CD8B: variants seen among roughly 807,000 people sequenced by gnomAD.
CD8B encodes the protein T-cell surface glycoprotein CD8 beta chain.
Under a neutral mutation model 24.2 loss-of-function variants are expected in CD8B, and 6 were observed. The ratio of observed to expected loss-of-function variants is 0.25; its 90% confidence interval spans 0.14 to 0.49. The LOEUF is 0.49. CD8B is among the 20% of genes least tolerant of loss of function. CD8B has a pLI of 0.98. For missense variants in CD8B, 196 were observed against 271.3 expected (o/e 0.72, Z 1.95); for synonymous variants, 84 against 108.3 (o/e 0.78, Z 1.39).
At chr2:86,860,561 G>A (rs1055783818) in intron 1 of CD8B, among the ~76,000 whole-genome samples, 5 of 152,198 alleles carry the variant, frequency 3.3e-5, no homozygotes, top group Non-Finnish European at 7.3e-5. Context: ...TACCCATGAG[G>A]AAAGAGAGAC....
intron 1 of CD8B, among the ~76,000 whole-genome samples, chr2:86,858,859 C>T (rs2104585374): frequency 1.3e-5 from 2 of 151,992 alleles, no homozygotes; most frequent in South Asian, 4.2e-4. Flanking sequence ...TATCTTCCCA[C>T]CTCAGCCTCC....
At chr2:86,825,456 T>C (rs1674641225) in intron 5 of CD8B, among the ~76,000 whole-genome samples, 1 of 152,106 alleles carries the variant, frequency 6.6e-6, no homozygotes, top group African/African-American at 2.4e-5. Flanking sequence ...CTGACCCCAT[T>C]TGAATCCCCA....
chr2:86,825,026 G>A (rs1033401172), intron 5 of CD8B, among the ~76,000 whole-genome samples: 12 of 152,166 alleles, frequency 7.9e-5, no homozygotes, highest in African/African-American at 4.8e-5. Context: ...GATCTCTTGC[G>A]TGGGTTCCAA....
At chr2:86,855,983 A>T (rs1481521512) in intron 2 of CD8B, among the ~76,000 whole-genome samples, 3 of 152,186 alleles carry the variant, frequency 2.0e-5, no homozygotes, top group Admixed American at 2.0e-4. Context: ...AAAAGGAATA[A>T]AACTTCGAGC....
intron 5 of CD8B, among the ~76,000 whole-genome samples, chr2:86,844,303 A>T (rs1675568773): frequency 6.6e-6 from 1 of 151,590 alleles, no homozygotes; most frequent in Non-Finnish European, 1.5e-5. Flanking sequence ...GGTCGAGGGC[A>T]GCAGGTGGGA....
Position 86,846,735 on chromosome 2 carries a change from C to T in CD8B, c.532G>A (p.Ala178Thr), listed in dbSNP as rs1290326750. The T allele has an allele frequency of 8.8e-6, 14 of 1,585,210 alleles. No homozygotes were observed. Among genetic ancestry groups the T allele is most frequent in the Non-Finnish European group, 1.2e-5 (14 of 1,165,182 alleles). Reference protein sequence around the residue: ...CSPITLGLLVAGVLVLLVSLG... With the variant: ...CSPITLGLLVTGVLVLLVSLG... The stretch of plus-strand genomic sequence containing the variant: ...GAAACCAGCAGAACCAGGACGCCAG[C>T]CACCAGCAGGCCAAGGGTGATGGGG... Residue 178 changes from alanine to threonine, a missense_variant, in exon 4 of 6, where the codon GCT becomes ACT. Ala to Thr is a moderately conservative substitution (Grantham distance 58). Transcript: ENST00000390655.
chr2:86,816,610 G>A (rs1674255997), intron 5 of CD8B, among the ~76,000 whole-genome samples: 1 of 152,174 alleles, frequency 6.6e-6, no homozygotes, highest in African/African-American at 2.4e-5. Flanking sequence ...GGAGATGGCT[G>A]GGCACTCCTG....
intron 2 of CD8B, among the ~76,000 whole-genome samples, chr2:86,854,264 G>A (rs1384955353): frequency 1.3e-5 from 2 of 152,088 alleles, no homozygotes; most frequent in South Asian, 2.1e-4. Context: ...TTGGCACAAC[G>A]AGCCCCTCCG....
In CD8B at chr2:86,821,702, C is replaced by G. The variant is rs75023142; in HGVS notation, c.621-5984G>C. 2,506 of 434,488 alleles carry G rather than the reference C, an allele frequency of 5.8e-3. 68 individuals carry two copies. Among genetic ancestry groups the G allele is most frequent in the African/African-American group, 0.046 (2,297 of 49,590 alleles). The allele number at this position is 434,488 out of a possible 1,614,324, so 26.9% of individuals were successfully genotyped here. ...GACCCCCAAATGGAACATTTTCCTTCCCTAGGTGAACGCCTTCGGAACCCT... is the reference window on the plus strand; with the variant it reads ...GACCCCCAAATGGAACATTTTCCTTGCCTAGGTGAACGCCTTCGGAACCCT... On this transcript the variant is annotated intron_variant, in intron 5 of 5. Coordinates refer to the CD8B transcript ENST00000331469.
chr2:86,822,466 T>G (rs1184276357), intron 5 of CD8B: 1 of 752,430 alleles, frequency 1.3e-6, no homozygotes, highest in Non-Finnish European at 2.3e-6. Context: ...ACAATGATAA[T>G]GCATTCAATA....
At chr2:86,823,492 C>T (rs1166566104) in intron 5 of CD8B, among the ~76,000 whole-genome samples, 1 of 152,046 alleles carries the variant, frequency 6.6e-6, no homozygotes. Flanking sequence ...GTTGCCCAGG[C>T]TGGTCTCAAA....
intron 5 of CD8B, among the ~76,000 whole-genome samples, chr2:86,828,201 G>A (rs1573493685): frequency 6.6e-6 from 1 of 152,058 alleles, no homozygotes; most frequent in Admixed American, 6.6e-5. Flanking sequence ...GCTGGCAAGT[G>A]GGGGCGAATG....
At position 86,838,730 on chromosome 2, in the gene CD8B, G is replaced by C. The variant is rs192316971; in HGVS notation, c.*3577C>G. On this transcript the variant is annotated 3_prime_UTR_variant, in exon 6 of 6. Coordinates refer to ENST00000390655, the MANE Select transcript of CD8B (RefSeq NM_004931.5). ...TTGCCTAGGCTGCTCTCAAACTCCT[G>C]AGCTCAAGTGATCATTCTGTGTGGG... is the stretch of plus-strand genomic sequence containing the variant. 4.3e-3 allele frequency among the ~76,000 whole-genome samples: 653 copies of C among 152,238 alleles called. 7 individuals are homozygous for C. Among genetic ancestry groups the C allele is most frequent in the African/African-American group, 0.014 (602 of 41,530 alleles).
chr2:86,826,213 C>G (rs1266377378), intron 5 of CD8B, among the ~76,000 whole-genome samples: 2 of 152,070 alleles, frequency 1.3e-5, no homozygotes, highest in Admixed American at 1.3e-4. Context: ...AGGAGTCCAT[C>G]TGGGCCACAG....
rs1236668465 is a variant in CD8B at position 86,840,908 on chromosome 2, T to G, written c.*1399A>C. Among the ~76,000 whole-genome samples the G allele has an allele frequency of 6.6e-6, 1 of 152,200 alleles. No individual in the cohort carries two copies. The highest frequency in any genetic ancestry group is 2.4e-5 in the African/African-American group (1 of 41,452). ...GTCGTCTTTCCTTTCCTGTTTTTTT[T>G]GTAACATTTCTTACATTCTGTGGTT... On this transcript the variant is annotated 3_prime_UTR_variant, in exon 6 of 6. Transcript: ENST00000390655.
chr2:86,851,077 T>G (rs1200578467), intron 3 of CD8B, among the ~76,000 whole-genome samples: 2 of 142,484 alleles, frequency 1.4e-5, no homozygotes, highest in East Asian at 2.0e-4. Context: ...GGCAACACAG[T>G]GAGACTCCAT....
intron 5 of CD8B, among the ~76,000 whole-genome samples, chr2:86,820,456 G>T (rs535783021): frequency 2.2e-4 from 33 of 152,336 alleles, no homozygotes; most frequent in African/African-American, 7.9e-4. Context: ...CCCTCCATCA[G>T]CAAAGAAATT....
downstream of CD8B, among the ~76,000 whole-genome samples, chr2:86,835,560 G>A (rs1675144488): frequency 6.6e-6 from 1 of 151,590 alleles, no homozygotes; most frequent in Admixed American, 6.6e-5. Context: ...CTTTTGCCTG[G>A]TCTGGTCTTG....
At chr2:86,842,691 T>A (rs1300311150) in intron 5 of CD8B, among the ~76,000 whole-genome samples, 1 of 152,112 alleles carries the variant, frequency 6.6e-6, no homozygotes, top group Non-Finnish European at 1.5e-5. Flanking sequence ...AAATCGCAAC[T>A]CAGATCTGTG....
Sources: allele counts gnomAD v4.1 joint callset (sites outside exome capture counted in the v4.1 genomes callset), GRCh38; gene constraint gnomAD v4.1.1; transcripts MANE v1.5; gene names NCBI Gene and HGNC (gene_info 2026-07-23, HGNC 2026-07-21).